The following BNC2 variants were observed in gnomAD, a reference collection of about 807,000 sequenced individuals.
BNC2 encodes basonuclin zinc finger protein 2.
BNC2 carries 20 observed loss-of-function variants against 76.3 expected under a neutral mutation model. The ratio of observed to expected loss-of-function variants is 0.26; its 90% CI spans 0.18 to 0.38. The LOEUF (loss-of-function observed/expected upper bound fraction) is 0.38, where lower values mean the gene tolerates loss of function less well. Among genes scored for constraint, BNC2 ranks in the 10% least tolerant of loss-of-function variants. The probability of loss-of-function intolerance (pLI) is 1.00; values close to 1 mark genes in which losing one functional copy is unlikely to be tolerated. For synonymous variants in BNC2, 582 were observed against 514.8 expected (o/e 1.13, Z -1.77); for missense variants, 1,382 against 1,399.8 (o/e 0.99, Z 0.20).
intron 1 of BNC2, among the ~76,000 whole-genome samples, chr9:16,866,548 A>G (rs1209586173): frequency 2.0e-5 from 3 of 151,760 alleles, no homozygotes; most frequent in Non-Finnish European, 4.4e-5. Context: ...CATTTAAAAT[A>G]TAGTATCTGG....
At chr9:16,517,458 C>T (rs943326893) in intron 5 of BNC2, among the ~76,000 whole-genome samples, 2 of 151,980 alleles carry the variant, frequency 1.3e-5, no homozygotes. Flanking sequence ...ATGTTTTAGC[C>T]CAATTCTGAT....
At chr9:16,428,503 TTATTTATGTGGA>T (rs1820843613) in intron 6 of BNC2, among the ~76,000 whole-genome samples, 1 of 152,230 alleles carries the variant, frequency 6.6e-6, no homozygotes. Flanking sequence ...TTTGATATTC[TTATTTATGTGGA>T]TGTTTATGTG....
chr9:16,575,831 G>T (rs1054405862), intron 4 of BNC2, among the ~76,000 whole-genome samples: 7 of 152,176 alleles, frequency 4.6e-5, no homozygotes. Flanking sequence ...AAACTAGGAG[G>T]CAGCTAAAAG....
intron 5 of BNC2, among the ~76,000 whole-genome samples, chr9:16,548,973 G>T (rs896560815): frequency 2.0e-5 from 3 of 152,174 alleles, no homozygotes; most frequent in Non-Finnish European, 4.4e-5. Flanking sequence ...ACTCACATAG[G>T]TGAAAATTAA....
At chr9:16,511,105 CTT>C (rs34511398) in intron 5 of BNC2, among the ~76,000 whole-genome samples, 13 of 125,204 alleles carry the variant, frequency 1.0e-4, no homozygotes, top group African/African-American at 1.8e-4. Context: ...ACTAAACTTA[CTT>C]TTTTTTTTTT....
At chr9:16,864,882 T>C (rs968040924) in intron 1 of BNC2, among the ~76,000 whole-genome samples, 1 of 151,040 alleles carries the variant, frequency 6.6e-6, no homozygotes, top group Non-Finnish European at 1.5e-5. Context: ...TGACAAGAGG[T>C]ACAATAAAGA....
chr9:16,754,915 A>G (rs1177781801), intron 1 of BNC2, among the ~76,000 whole-genome samples: 1 of 152,170 alleles, frequency 6.6e-6, no homozygotes, highest in Non-Finnish European at 1.5e-5. Context: ...TATTAAATGC[A>G]TCCACCCAAG....
intron 3 of BNC2, among the ~76,000 whole-genome samples, chr9:16,620,834 T>C (rs1280120340): frequency 6.6e-6 from 1 of 152,194 alleles, no homozygotes; most frequent in South Asian, 2.1e-4. Context: ...GTAAGAACAC[T>C]GATCTAAATA....
At chr9:16,684,687 T>C (rs1822924345) in intron 3 of BNC2, among the ~76,000 whole-genome samples, 1 of 151,756 alleles carries the variant, frequency 6.6e-6, no homozygotes, top group Non-Finnish European at 1.5e-5. Flanking sequence ...AAAGTATGAG[T>C]TTCCTCATGC....
In BNC2 at chr9:16,493,404, G is replaced by T. The variant is rs546603760; in HGVS notation, c.670-55880C>A. On this transcript the variant is annotated intron_variant, in intron 5 of 6. Transcript: ENST00000380672. ...AAAATGATTTGAATTTTTAATTAGG[G>T]GTGGGTATGTGTAAGAGGGAACAAA... Among the ~76,000 whole-genome samples, 42 of 152,228 alleles carry T rather than the reference G, an allele frequency of 2.8e-4. 2 individuals are homozygous for T. Among genetic ancestry groups the T allele is most frequent in the African/African-American group, 9.6e-4 (40 of 41,528 alleles).
At chr9:16,477,606 T>A (rs1337991648) in intron 5 of BNC2, among the ~76,000 whole-genome samples, 1 of 152,192 alleles carries the variant, frequency 6.6e-6, no homozygotes, top group Non-Finnish European at 1.5e-5. Context: ...ATTTAGACAT[T>A]TAATATATCT....
At chr9:16,562,975 A>G (rs1483994371) in intron 4 of BNC2, among the ~76,000 whole-genome samples, 3 of 152,228 alleles carry the variant, frequency 2.0e-5, no homozygotes, top group Non-Finnish European at 4.4e-5. Context: ...ATGTATCATA[A>G]AAGATGCATT....
intron 5 of BNC2, among the ~76,000 whole-genome samples, chr9:16,495,737 C>A (rs962026078): frequency 6.6e-6 from 1 of 152,152 alleles, no homozygotes; most frequent in African/African-American, 2.4e-5. Flanking sequence ...GAAATCTGCA[C>A]TTGATTTCAT....
intron 4 of BNC2, among the ~76,000 whole-genome samples, chr9:16,580,664 A>C (rs1261408358): frequency 6.6e-6 from 1 of 152,206 alleles, no homozygotes; most frequent in Non-Finnish European, 1.5e-5. Context: ...GACACAGTTA[A>C]CTTTTATACT....
intron 1 of BNC2, among the ~76,000 whole-genome samples, chr9:16,841,676 C>T (rs1478036562): frequency 6.6e-6 from 1 of 151,992 alleles, no homozygotes; most frequent in East Asian, 1.9e-4. Context: ...AATGTTTAAA[C>T]ACTTAAAACG....
intron 4 of BNC2, among the ~76,000 whole-genome samples, chr9:16,556,497 C>T (rs531517089): frequency 2.6e-5 from 4 of 152,046 alleles, no homozygotes; most frequent in Admixed American, 2.0e-4. Flanking sequence ...GGGCCAGGCA[C>T]AGTGGCTCAC....
intron 3 of BNC2, chr9:16,699,126 T>A: frequency 2.2e-6 from 1 of 455,178 alleles, no homozygotes; most frequent in South Asian, 1.6e-5. Context: ...TTTTTGTTTT[T>A]GTTTTTGTTT....
chr9:16,721,251 C>G (rs765917704), intron 3 of BNC2, among the ~76,000 whole-genome samples: 6 of 152,070 alleles, frequency 3.9e-5, no homozygotes, highest in Non-Finnish European at 8.8e-5. Context: ...AAAACATTCC[C>G]TCTATTACCC....
chr9:16,726,562 A>C (rs1374944220), intron 3 of BNC2, among the ~76,000 whole-genome samples: 2 of 13,614 alleles, frequency 1.5e-4, no homozygotes, highest in Non-Finnish European at 4.4e-4. Flanking sequence ...AGCTTTTTAA[A>C]AAAAAAAAAA....
Sources: gnomAD v4.1 joint callset for allele counts (sites outside exome capture counted in the v4.1 genomes callset) on GRCh38, gnomAD v4.1.1 for gene constraint, MANE v1.5 for transcripts, NCBI Gene and HGNC (gene_info 2026-07-23, HGNC 2026-07-21) for gene names.